The following TNR variants were observed in gnomAD, a reference collection of about 807,000 sequenced individuals.
TNR encodes the protein tenascin R, also known as tenascin-R.
TNR carries 45 observed loss-of-function variants against 150.4 expected under a neutral mutation model. That is an observed-to-expected ratio of 0.30 (90% CI 0.24 to 0.38). TNR has a LOEUF of 0.38. Ranked by LOEUF, TNR falls within the 10% of genes least tolerant of loss-of-function variation. The probability of loss-of-function intolerance (pLI) is 1.00; values close to 1 mark genes in which losing one functional copy is unlikely to be tolerated. For synonymous variants in TNR, 687 were observed against 678.4 expected, an observed-to-expected ratio of 1.01 and a Z score of -0.20; for missense variants, 1,544 against 1,759.1, an observed-to-expected ratio of 0.88 and a Z score of 2.19.
rs114893985 is a variant in TNR, at chr1:175,458,789, C to T, written c.-63-52012G>A. ...TTCTTTAAAAAGAGGTGTCCTATTC[C>T]TTAAGAAAAAATATTTTGAATGCAA... On this transcript the variant is annotated intron_variant, in intron 2 of 22. Transcript: ENST00000367674. 3.6e-3 allele frequency among the ~76,000 whole-genome samples: 555 copies of T among 152,298 alleles called. 5 individuals are homozygous for T. Among genetic ancestry groups the T allele is most frequent in the African/African-American group, 0.013 (529 of 41,568 alleles).
At chr1:175,660,459 A>T (rs1665327729) in intron 1 of TNR, among the ~76,000 whole-genome samples, 1 of 152,234 alleles carries the variant, frequency 6.6e-6, no homozygotes, top group Non-Finnish European at 1.5e-5. Flanking sequence ...TTGACTGGTC[A>T]TATGACCCTG....
At chr1:175,501,523 C>T (rs1283477948) in intron 2 of TNR, among the ~76,000 whole-genome samples, 2 of 152,138 alleles carry the variant, frequency 1.3e-5, no homozygotes, top group Non-Finnish European at 2.9e-5. Context: ...GGGCAGAGGA[C>T]CCAGCTATGT....
At chr1:175,579,916 G>C (rs533637301) in intron 1 of TNR, among the ~76,000 whole-genome samples, 2 of 151,956 alleles carry the variant, frequency 1.3e-5, no homozygotes, top group African/African-American at 4.8e-5. Flanking sequence ...AGTTTTTAAG[G>C]AGGCTATTGG....
intron 1 of TNR, among the ~76,000 whole-genome samples, chr1:175,541,953 T>C (rs528125329): frequency 2.0e-5 from 3 of 152,190 alleles, no homozygotes; most frequent in Admixed American, 6.5e-5. Context: ...GCTTAAACTT[T>C]CCAGACAAAG....
rs1664418938 is a variant in TNR at position 175,634,056 on chromosome 1, A to C, written c.-164-105687T>G. 2.0e-5 allele frequency among the ~76,000 whole-genome samples: 3 copies of C among 152,174 alleles called. No homozygotes were observed. In the South Asian group the frequency reaches 6.2e-4, roughly 32 times the overall value. On this transcript the variant is annotated intron_variant, in intron 1 of 22. Transcript: ENST00000367674. The stretch of plus-strand genomic sequence containing the variant: ...AGGCCAACCCCATGAAGTCACTGTC[A>C]GATGAAATAAGCTAATCTATGTAAC...
chr1:175,495,431 A>G (rs1235974922), intron 2 of TNR, among the ~76,000 whole-genome samples: 1 of 152,180 alleles, frequency 6.6e-6, no homozygotes, highest in Non-Finnish European at 1.5e-5. Context: ...TGTTCTTAGG[A>G]CACAAAGATG....
At chr1:175,431,470 C>A (rs1461386841) in intron 2 of TNR, among the ~76,000 whole-genome samples, 1 of 152,100 alleles carries the variant, frequency 6.6e-6, no homozygotes, top group African/African-American at 2.4e-5. Flanking sequence ...TAAGGTGATA[C>A]CATAGGTGAG....
chr1:175,735,531 C>T (rs927051706), intron 1 of TNR, among the ~76,000 whole-genome samples: 1 of 152,214 alleles, frequency 6.6e-6, no homozygotes, highest in Admixed American at 6.5e-5. Flanking sequence ...GGCCACAAGC[C>T]TTACAATACT....
chr1:175,607,810 C>T (rs1663462015), intron 1 of TNR, among the ~76,000 whole-genome samples: 4 of 152,240 alleles, frequency 2.6e-5, no homozygotes, highest in African/African-American at 4.8e-5. Flanking sequence ...AGTCTCTTTG[C>T]ATCTCAGCTT....
chr1:175,337,412 G>T (rs1039477064), intron 19 of TNR, 116 bp downstream of exon 19: 18 of 1,231,276 alleles, frequency 1.5e-5, no homozygotes, highest in African/African-American at 3.0e-5. Flanking sequence ...ATGGACATGT[G>T]GGGGGTGATA....
chr1:175,544,369 T>C (rs1327378956), intron 1 of TNR, among the ~76,000 whole-genome samples: 3 of 152,090 alleles, frequency 2.0e-5, no homozygotes, highest in East Asian at 3.9e-4. Context: ...CTTTCAAAGG[T>C]AGAATGAATT....
rs180804102 is a variant in TNR at position 175,529,110 on chromosome 1, C to G, written c.-164-741G>C. 1.4e-3 allele frequency among the ~76,000 whole-genome samples: 217 copies of G among 152,288 alleles called. 3 individuals are homozygous for G. Among genetic ancestry groups the G allele is most frequent in the South Asian group, 4.3e-3 (21 of 4,830 alleles). ...CTACGCAGATCTTCAGCCAGGCCTC[C>G]GCTACACAATTTCCAAGGAAGTGTC... On this transcript the variant is annotated intron_variant, in intron 1 of 22. Transcript: ENST00000367674.
chr1:175,564,456 A>G (rs1661557174), intron 1 of TNR, among the ~76,000 whole-genome samples: 8 of 152,238 alleles, frequency 5.3e-5, no homozygotes, highest in Admixed American at 5.2e-4. Flanking sequence ...TTATTAATCC[A>G]CTTAATCAGT....
rs1664388809 is a variant in TNR at position 175,633,237 on chromosome 1, T to C, written c.-164-104868A>G. Among the ~76,000 whole-genome samples the C allele has an allele frequency of 2.0e-5, 3 of 152,216 alleles. 1 individual carries two copies. In the South Asian group the frequency reaches 6.2e-4, roughly 32 times the overall value. The stretch of plus-strand genomic sequence containing the variant: ...GGTCTTTCTATTATTCATACTTTAG[T>C]GTCTTTATGGATTTTCTCCTTAATT... On this transcript the variant is annotated intron_variant, in intron 1 of 22. Coordinates refer to ENST00000367674, the MANE Select transcript of TNR (RefSeq NM_003285.3).
In TNR at chr1:175,406,414, A is replaced by C; in HGVS notation, c.301T>G (p.Tyr101Asp). The C allele has an allele frequency of 1.2e-6, 2 of 1,613,750 alleles. No individual in the cohort carries two copies. The highest frequency in any genetic ancestry group is 1.7e-6 in the Non-Finnish European group (2 of 1,179,932). The change falls in exon 3 of 23, where the codon TAC becomes GAC. Residue 101 changes from tyrosine (Y) to aspartate (D), a missense_variant. By Grantham distance (160) the Tyr-to-Asp change is radical. Around this residue, in one of 2 missense-constraint regions of TNR, gnomAD observed 1,254 missense variants for 1,329.4 expected, o/e 0.94. Coordinates refer to ENST00000367674, the MANE Select transcript of TNR (RefSeq NM_003285.3). ...VSAEDETLAE[Y>D]MGQTSDHESQ... is the part of the protein sequence containing the mutation. Reference sequence around the variant, plus strand: ...TCGTGGTCTGAGGTCTGGCCCATGTACTCTGCCAGAGTCTCGTCTTCTGCA... The same window carrying C: ...TCGTGGTCTGAGGTCTGGCCCATGTCCTCTGCCAGAGTCTCGTCTTCTGCA...
chr1:175,482,821 G>C (rs1009430998), intron 2 of TNR, among the ~76,000 whole-genome samples: 3 of 152,184 alleles, frequency 2.0e-5, no homozygotes, highest in Non-Finnish European at 2.9e-5. Context: ...CTTGTACTAA[G>C]AGAGCAGAAA....
intron 2 of TNR, among the ~76,000 whole-genome samples, chr1:175,407,889 T>C (rs1654030074): frequency 6.6e-6 from 1 of 152,256 alleles, no homozygotes; most frequent in Admixed American, 6.5e-5. Context: ...CCCAGGGCTT[T>C]TCTTGAAAAG....
chr1:175,353,870 G>C (rs1188857432), intron 18 of TNR, among the ~76,000 whole-genome samples: 1 of 149,318 alleles, frequency 6.7e-6, no homozygotes, highest in Non-Finnish European at 1.5e-5. Context: ...TTTTGAGACG[G>C]AGTCTCACTT....
intron 1 of TNR, among the ~76,000 whole-genome samples, chr1:175,590,324 T>G (rs1180266865): frequency 6.6e-6 from 1 of 152,234 alleles, no homozygotes; most frequent in Non-Finnish European, 1.5e-5. Context: ...ATTTCATTTA[T>G]CATAGATTTT....
Sources: gnomAD v4.1 joint callset for allele counts (sites outside exome capture counted in the v4.1 genomes callset) on GRCh38, gnomAD v4.1.1 for gene constraint, gnomAD v4.1.1 regional missense constraint, MANE v1.5 for transcripts, NCBI Gene and HGNC (gene_info 2026-07-23, HGNC 2026-07-21) for gene names.